DLG2: variants seen among roughly 807,000 people sequenced by gnomAD.
The protein encoded by DLG2 is disks large homolog 2.
In DLG2, 45 loss-of-function variants were observed where a neutral mutation model predicts 132.5. The ratio of observed to expected loss-of-function variants is 0.34; its 90% CI spans 0.27 to 0.44. The LOEUF is 0.44. DLG2 is among the 20% of genes least tolerant of loss of function. The pLI, the probability that DLG2 is intolerant of heterozygous loss-of-function variation, is 1.00. For missense variants in DLG2, 1,045 were observed against 1,196.9 expected (o/e 0.87, Z 1.87); for synonymous variants, 424 against 419.6 (o/e 1.01, Z -0.13).
chr11:84,482,682 A>G (rs1474321386), intron 7 of DLG2, among the ~76,000 whole-genome samples: 1 of 152,178 alleles, frequency 6.6e-6, no homozygotes, highest in East Asian at 1.9e-4. Flanking sequence ...ACAACAGCAC[A>G]CTGCTTCATA....
chr11:85,397,215 G>A (rs76138028), intron 3 of DLG2, among the ~76,000 whole-genome samples: 1 of 152,276 alleles, frequency 6.6e-6, no homozygotes, highest in East Asian at 1.9e-4. Flanking sequence ...ATCCTTTACA[G>A]ACAAGTGAAT....
At chr11:83,461,844 G>A in intron 27 of DLG2, 158 bp downstream of exon 27, 1 of 580,302 alleles carries the variant, frequency 1.7e-6, no homozygotes, top group South Asian at 2.2e-5. Context: ...ATCAAAATGG[G>A]TGAAGCAGAG....
intron 9 of DLG2, among the ~76,000 whole-genome samples, chr11:84,102,279 G>T (rs967503758): frequency 6.6e-6 from 1 of 152,070 alleles, no homozygotes; most frequent in Admixed American, 6.6e-5. Context: ...CTTGTAGAAG[G>T]CAGGAACTGT....
intron 3 of DLG2, among the ~76,000 whole-genome samples, chr11:85,306,308 T>C (rs80262595): frequency 6.6e-6 from 1 of 152,210 alleles, no homozygotes; most frequent in Admixed American, 6.5e-5. Context: ...TTGTGTACTT[T>C]GGATACAGCA....
intron 16 of DLG2, 132 bp downstream of exon 16, chr11:83,874,288 G>A (rs1595768513): frequency 2.2e-6 from 1 of 456,722 alleles, no homozygotes; most frequent in East Asian, 3.6e-5. Flanking sequence ...GAGAAGGAAG[G>A]AAGGGAGGAA....
At chr11:84,182,238 AG>A (rs2154280797) in intron 8 of DLG2, among the ~76,000 whole-genome samples, 1 of 152,328 alleles carries the variant, frequency 6.6e-6, no homozygotes, top group African/African-American at 2.4e-5. Flanking sequence ...AAAATTATGA[AG>A]TACCTGGAGA....
At chr11:84,247,808 G>C (rs897931422) in intron 8 of DLG2, among the ~76,000 whole-genome samples, 5 of 152,046 alleles carry the variant, frequency 3.3e-5, no homozygotes, top group South Asian at 2.1e-4. Flanking sequence ...TTGTGCCAAG[G>C]AACCATTTTC....
intron 6 of DLG2, among the ~76,000 whole-genome samples, chr11:84,537,994 T>C (rs931257122): frequency 6.6e-6 from 1 of 152,230 alleles, no homozygotes; most frequent in African/African-American, 2.4e-5. Context: ...AAGTACTACA[T>C]ATCTTTCTCC....
At chr11:83,765,642 G>C (rs1365434620) in intron 18 of DLG2, among the ~76,000 whole-genome samples, 2 of 152,204 alleles carry the variant, frequency 1.3e-5, no homozygotes, top group East Asian at 3.9e-4. Flanking sequence ...CCAAGATGTA[G>C]ACAGATGTCT....
chr11:84,747,738 A>G (rs2065564912), intron 6 of DLG2, among the ~76,000 whole-genome samples: 1 of 152,216 alleles, frequency 6.6e-6, no homozygotes, highest in Non-Finnish European at 1.5e-5. Flanking sequence ...AAAATATTTT[A>G]TGGTACATAC....
chr11:84,816,371 G>T (rs1190450847), intron 6 of DLG2, among the ~76,000 whole-genome samples: 2 of 151,820 alleles, frequency 1.3e-5, no homozygotes, highest in Non-Finnish European at 2.9e-5. Flanking sequence ...CTTCATCTCA[G>T]ATCAAATAGA....
chr11:84,156,359 A>G lies in DLG2; in HGVS notation c.624+7102T>C, dbSNP rs1410064273. On this transcript the variant is annotated intron_variant, in intron 9 of 27. Transcript: ENST00000376104. ...CTTATATAACCCCAACATGATTTGT[A>G]TCAAGAGTAGTTAGTTGACCGAGCA... Among the ~76,000 whole-genome samples, 43 of 152,194 alleles carry G rather than the reference A, an allele frequency of 2.8e-4. 1 individual carries two copies. The highest frequency in any genetic ancestry group is 2.8e-3 in the Admixed American group (43 of 15,276).
At chr11:83,970,092 A>G (rs919433401) in intron 12 of DLG2, among the ~76,000 whole-genome samples, 3 of 152,186 alleles carry the variant, frequency 2.0e-5, no homozygotes, top group Non-Finnish European at 4.4e-5. Flanking sequence ...ACCAAAGGCT[A>G]GAAACTAACT....
At chr11:84,133,627 CCTT>C (rs10536022) in intron 9 of DLG2, among the ~76,000 whole-genome samples, 129,793 of 150,964 alleles carry the variant, frequency 0.86, 56,071 homozygotes, top group Middle Eastern at 0.93. Flanking sequence ...ATAATTTTTT[CCTT>C]CTTCTTCTTC....
At chr11:84,035,791 G>A (rs1240674557) in intron 11 of DLG2, among the ~76,000 whole-genome samples, 1 of 152,156 alleles carries the variant, frequency 6.6e-6, no homozygotes, top group Non-Finnish European at 1.5e-5. Flanking sequence ...GCAGTAGTCT[G>A]AGCAAGAAAC....
chr11:83,959,081 C>A (rs1325720119), intron 14 of DLG2, among the ~76,000 whole-genome samples: 1 of 152,020 alleles, frequency 6.6e-6, no homozygotes, highest in Non-Finnish European at 1.5e-5. Flanking sequence ...ACAATGAATG[C>A]CGATTTATAG....
chr11:83,827,194 G>C (rs989758234), intron 17 of DLG2, among the ~76,000 whole-genome samples: 3 of 152,110 alleles, frequency 2.0e-5, no homozygotes, highest in Non-Finnish European at 4.4e-5. Flanking sequence ...CTTTACTGGG[G>C]ATGGCAGTGG....
intron 6 of DLG2, among the ~76,000 whole-genome samples, chr11:84,936,301 A>C (rs970769995): frequency 6.6e-6 from 1 of 152,182 alleles, no homozygotes; most frequent in Non-Finnish European, 1.5e-5. Context: ...GATAATTCTA[A>C]AGTATTTTGT....
At chr11:84,008,887 C>A (rs2094719484) in intron 11 of DLG2, among the ~76,000 whole-genome samples, 1 of 150,962 alleles carries the variant, frequency 6.6e-6, no homozygotes, top group South Asian at 2.1e-4. Context: ...TGTGCAGTTA[C>A]ATCTAGTGTC....
Sources: gnomAD v4.1 joint callset for allele counts (sites outside exome capture counted in the v4.1 genomes callset) on GRCh38, gnomAD v4.1.1 for gene constraint, MANE v1.5 for transcripts, NCBI Gene and HGNC (gene_info 2026-07-23, HGNC 2026-07-21) for gene names.